The following RCAN2 variants were observed in gnomAD, a reference collection of about 807,000 sequenced individuals.
The protein encoded by RCAN2 is regulator of calcineurin 2.
In RCAN2, 9 loss-of-function variants were observed where a neutral mutation model predicts 23.6. The ratio of observed to expected loss-of-function variants is 0.38; its 90% CI spans 0.23 to 0.67. RCAN2 has a LOEUF of 0.67. Ranked by LOEUF, RCAN2 falls within the 30% of genes least tolerant of loss-of-function variation. The pLI is 0.51. For synonymous variants in RCAN2, 109 were observed against 115.7 expected (o/e 0.94, Z 0.37); for missense variants, 273 against 302.3 (o/e 0.90, Z 0.72).
chr6:46,433,400 A>G (rs892917614), intron 2 of RCAN2, among the ~76,000 whole-genome samples: 3 of 152,238 alleles, frequency 2.0e-5, no homozygotes, highest in Non-Finnish European at 4.4e-5. Context: ...ACATTACTTT[A>G]CAAGGCAAAA....
At position 46,458,984 on chromosome 6, in the gene RCAN2, C is replaced by T. The variant is rs868228187; in HGVS notation, c.-2-2006G>A. Among the ~76,000 whole-genome samples, 6 of 152,236 alleles carry T rather than the reference C, an allele frequency of 3.9e-5. No homozygotes were observed. The East Asian group carries it at 7.7e-4, about 20-fold the overall frequency. ...TTGGCTCACTGCAACCTCCACCTCC[C>T]GGGTTCAAGTGATTCTCCTGCCTCA... On this transcript the variant is annotated intron_variant, in intron 1 of 4. Coordinates refer to ENST00000371374, the MANE Select transcript of RCAN2 (RefSeq NM_001251974.2).
At chr6:46,226,614 G>A (rs1765673970) in intron 4 of RCAN2, among the ~76,000 whole-genome samples, 1 of 152,176 alleles carries the variant, frequency 6.6e-6, no homozygotes, top group African/African-American at 2.4e-5. Flanking sequence ...ATGAATGCTT[G>A]TGATTTTTGC....
intron 2 of RCAN2, among the ~76,000 whole-genome samples, chr6:46,387,422 C>T (rs1387155652): frequency 6.6e-6 from 1 of 152,050 alleles, no homozygotes; most frequent in Non-Finnish European, 1.5e-5. Flanking sequence ...AACAAACAAC[C>T]CCATCAAAAA....
intron 2 of RCAN2, among the ~76,000 whole-genome samples, chr6:46,385,534 T>C (rs1180559095): frequency 6.6e-6 from 1 of 152,118 alleles, no homozygotes; most frequent in Non-Finnish European, 1.5e-5. Context: ...TTACACCTTA[T>C]ACAAAAATTA....
At chr6:46,293,752 G>T (rs1762636860) in intron 2 of RCAN2, among the ~76,000 whole-genome samples, 1 of 152,156 alleles carries the variant, frequency 6.6e-6, no homozygotes. Flanking sequence ...GCTCAGGTAA[G>T]AGCACAGAAA....
intron 4 of RCAN2, among the ~76,000 whole-genome samples, chr6:46,227,623 T>C (rs545652208): frequency 3.3e-5 from 5 of 152,352 alleles, no homozygotes; most frequent in South Asian, 2.1e-4. Context: ...GTGGGAATGG[T>C]TGTGATATCC....
intron 2 of RCAN2, among the ~76,000 whole-genome samples, chr6:46,434,390 G>A (rs775830510): frequency 1.3e-5 from 2 of 152,268 alleles, no homozygotes; most frequent in Non-Finnish European, 2.9e-5. Context: ...GGTCTCCTGA[G>A]GCCCATGCAG....
intron 4 of RCAN2, among the ~76,000 whole-genome samples, chr6:46,235,986 C>A (rs1435401307): frequency 4.6e-5 from 7 of 152,192 alleles, no homozygotes; most frequent in African/African-American, 1.7e-4. Context: ...ACACTCATAT[C>A]ACTGGGATAC....
At chr6:46,293,388 A>G (rs944282381) in intron 2 of RCAN2, among the ~76,000 whole-genome samples, 1 of 152,172 alleles carries the variant, frequency 6.6e-6, no homozygotes. Context: ...CATGCCAAAG[A>G]ATTATTTTTC....
At chr6:46,436,722 A>G (rs114436229) in intron 2 of RCAN2, among the ~76,000 whole-genome samples, 1,613 of 152,300 alleles carry the variant, frequency 0.011, 16 homozygotes, top group Non-Finnish European at 0.015. Context: ...AAGGTTAAAT[A>G]AACTGCCTAT....
At chr6:46,267,887 T>A (rs1285730903) in intron 2 of RCAN2, among the ~76,000 whole-genome samples, 1 of 152,070 alleles carries the variant, frequency 6.6e-6, no homozygotes, top group African/African-American at 2.4e-5. Flanking sequence ...CTAAATAAAA[T>A]TTTAAGACTT....
At chr6:46,368,336 G>A (rs1192505834) in intron 2 of RCAN2, among the ~76,000 whole-genome samples, 1 of 152,140 alleles carries the variant, frequency 6.6e-6, no homozygotes, top group East Asian at 1.9e-4. Flanking sequence ...TCATATGCCT[G>A]GGCAACTTGA....
rs1407722539 is a variant in RCAN2, at chr6:46,223,089, G to T, written c.*52C>A. ...CAATTTTTTTTGACAAACAACAGGG[G>T]GAAAAAGCATGATAAAGAGGAGACG... On this transcript the variant is annotated 3_prime_UTR_variant, in exon 5 of 5. Coordinates refer to ENST00000371374, the MANE Select transcript of RCAN2 (RefSeq NM_001251974.2). The T allele has an allele frequency of 6.3e-7, 1 of 1,588,862 alleles. No individual in the cohort carries two copies. Among genetic ancestry groups the T allele is most frequent in the Non-Finnish European group, 8.6e-7 (1 of 1,167,134 alleles).
intron 2 of RCAN2, among the ~76,000 whole-genome samples, chr6:46,382,902 G>A (rs1765646405): frequency 6.6e-6 from 1 of 152,144 alleles, no homozygotes; most frequent in African/African-American, 2.4e-5. Flanking sequence ...CCTACCGATA[G>A]TTACAGGCAC....
At chr6:46,228,725 A>G (rs1765769104) in intron 4 of RCAN2, among the ~76,000 whole-genome samples, 1 of 152,060 alleles carries the variant, frequency 6.6e-6, no homozygotes, top group South Asian at 2.1e-4. Flanking sequence ...TTGACTCTTT[A>G]TCCAATTTGC....
chr6:46,273,151 T>C (rs926938782), intron 2 of RCAN2, among the ~76,000 whole-genome samples: 2 of 152,196 alleles, frequency 1.3e-5, no homozygotes, highest in African/African-American at 4.8e-5. Flanking sequence ...ATCTTGGAAG[T>C]GGGCAGCTCA....
chr6:46,243,809 C>CAAAAAAAAAAA (rs376524527), intron 4 of RCAN2, among the ~76,000 whole-genome samples: 2 of 55,030 alleles, frequency 3.6e-5, no homozygotes, highest in Non-Finnish European at 6.0e-5. Flanking sequence ...GATTCTGTCT[C>CAAAAAAAAAAA]AAAAAAAAAA....
At chr6:46,288,705 TGGC>T (rs1166983888) in intron 2 of RCAN2, among the ~76,000 whole-genome samples, 1 of 152,276 alleles carries the variant, frequency 6.6e-6, no homozygotes, top group Non-Finnish European at 1.5e-5. Context: ...GTATAACTTT[TGGC>T]CTAGGAAGGC....
chr6:46,258,393 T>C (rs1018318096), intron 2 of RCAN2, among the ~76,000 whole-genome samples: 1 of 152,238 alleles, frequency 6.6e-6, no homozygotes, highest in African/African-American at 2.4e-5. Context: ...TTGTTCCATT[T>C]GTGGTCCTGA....
Sources: gnomAD v4.1 joint callset for allele counts (sites outside exome capture counted in the v4.1 genomes callset) on GRCh38, gnomAD v4.1.1 for gene constraint, MANE v1.5 for transcripts, NCBI Gene and HGNC (gene_info 2026-07-23, HGNC 2026-07-21) for gene names.